The following ABRAXAS1 variants were observed in gnomAD, a reference collection of about 807,000 sequenced individuals.
ABRAXAS1 encodes abraxas 1, BRCA1 A complex subunit.
ABRAXAS1 carries 26 observed loss-of-function variants against 38.4 expected under a neutral mutation model. The ratio of observed to expected loss-of-function variants is 0.68; its 90% CI spans 0.50 to 0.94. The LOEUF is 0.94. ABRAXAS1 is among the 40% of genes least tolerant of loss of function. ABRAXAS1 has a pLI of 0.00. For missense variants in ABRAXAS1, 438 were observed against 481.9 expected, an observed-to-expected ratio of 0.91 and a Z score of 0.85; for synonymous variants, 144 against 165.5, an observed-to-expected ratio of 0.87 and a Z score of 1.00.
rs755509570 is a variant in ABRAXAS1, at chr4:83,459,756, T to C, written c.*2713A>G. 1.2e-6 allele frequency: 2 copies of C among 1,610,972 alleles called. No homozygotes were observed. Among genetic ancestry groups the C allele is most frequent in the Admixed American group, 1.7e-5 (1 of 59,612 alleles). On this transcript the variant is annotated 3_prime_UTR_variant, in exon 9 of 9. Coordinates refer to ENST00000321945, the MANE Select transcript of ABRAXAS1 (RefSeq NM_139076.3). ...CCAAAACAGCTTTTGTCCCAGTTTG[T>C]TTCTCCATTTACTGGATGCATTTAT...
chr4:83,468,841 TA>T (rs1722477657), intron 6 of ABRAXAS1, among the ~76,000 whole-genome samples, 190 bp downstream of exon 6: 1 of 151,978 alleles, frequency 6.6e-6, no homozygotes, highest in Non-Finnish European at 1.5e-5. Context: ...ATGCCTGGAC[TA>T]ACCACTACCT....
chr4:83,482,101 A>G, intron 2 of ABRAXAS1, 53 bp downstream of exon 2: 1 of 1,166,388 alleles, frequency 8.6e-7, no homozygotes, highest in Non-Finnish European at 1.2e-6. Context: ...AGCATAAACT[A>G]TCAAATATAG....
chr4:83,477,984 G>C, intron 2 of ABRAXAS1: 1 of 956,364 alleles, frequency 1.0e-6, no homozygotes, highest in Non-Finnish European at 1.7e-6. Context: ...TTCCAAGGGA[G>C]CATGATTGGC....
chr4:83,462,888 G>T lies in ABRAXAS1; in HGVS notation c.811C>A (p.Gln271Lys). The T allele has an allele frequency of 6.3e-7, 1 of 1,577,046 alleles. No homozygotes were observed. The highest frequency in any genetic ancestry group is 1.2e-5 in the South Asian group (1 of 83,324). ...AAAATGTTCTCCTGAGGGTCTTTTTGGATGTTCTTCTCTCCTAAACAAAAT... is the reference window on the plus strand; with the variant it reads ...AAAATGTTCTCCTGAGGGTCTTTTTTGATGTTCTTCTCTCCTAAACAAAAT... ...QIQAAREKNI[Q>K]KDPQENIFLC... Residue 271 changes from glutamine to lysine, a missense_variant, in exon 9 of 9, where the codon CAA (glutamine) becomes AAA (lysine). By Grantham distance (53) the Gln-to-Lys change is moderately conservative. Transcript: ENST00000321945.
At chr4:83,470,065 G>GT (rs1722522496) in intron 5 of ABRAXAS1, 138 bp downstream of exon 5, 1 of 571,686 alleles carries the variant, frequency 1.7e-6, no homozygotes, top group Non-Finnish European at 2.9e-6. Flanking sequence ...TTAACAGATG[G>GT]TAAGATCTAC....
In ABRAXAS1 at chr4:83,468,970, G is replaced by A. The variant is rs1457209043; in HGVS notation, c.596+62C>T. 8.3e-6 allele frequency: 13 copies of A among 1,572,516 alleles called. No homozygotes were observed. In the East Asian group the frequency reaches 1.1e-4, roughly 14 times the overall value. On this transcript the variant is annotated intron_variant, in intron 6 of 8. Transcript: ENST00000321945. ...GAATTTTTATTCTGCTGTTGTTTGA[G>A]AAATAAGAAAATTAATTTCAAAGAT...
intron 2 of ABRAXAS1, chr4:83,477,959 G>T: frequency 1.1e-6 from 1 of 897,056 alleles, no homozygotes; most frequent in Non-Finnish European, 1.8e-6. Flanking sequence ...TCGAATGCAG[G>T]CTCAAGGAAG....
chr4:83,476,622 C>G, intron 3 of ABRAXAS1, 21 bp downstream of exon 3: 1 of 1,502,292 alleles, frequency 6.7e-7, no homozygotes, highest in Non-Finnish European at 9.2e-7. Context: ...GGATCATTTA[C>G]TTACTAGCAC....
At chr4:83,474,709 T>C (rs1388493618) in intron 3 of ABRAXAS1, among the ~76,000 whole-genome samples, 2 of 136,682 alleles carry the variant, frequency 1.5e-5, no homozygotes, top group African/African-American at 2.9e-5. Context: ...CAAGACTCTG[T>C]CTCAAAAAAA....
chr4:83,465,299 C>CAAAAAAAAA lies in ABRAXAS1; in HGVS notation c.682-1700_682-1692dup, dbSNP rs35072866. On this transcript the variant is annotated intron_variant, in intron 7 of 8. Coordinates refer to ENST00000321945, the MANE Select transcript of ABRAXAS1 (RefSeq NM_139076.3). ...CAGGCGACACACTGAGACTCTGTCT[C>CAAAAAAAAA]AAAAAAAAAAAAAAAAAAAAGAAGA... Among the ~76,000 whole-genome samples the CAAAAAAAAA allele has an allele frequency of 8.0e-3, 707 of 88,112 alleles. 34 individuals are homozygous for CAAAAAAAAA. The East Asian group carries it at 0.11, about 14-fold the overall frequency. The allele number at this position is 88,112 out of a possible 152,430, so 57.8% of individuals were successfully genotyped here.
In ABRAXAS1 at chr4:83,462,441, A is replaced by C; in HGVS notation, c.*28T>G. Reference sequence around the variant, plus strand: ...TTTGGCTTTACCCATCAGCCAAATAAAAAAATCTCCTTGTAAGGTTAAAAG... The same window carrying C: ...TTTGGCTTTACCCATCAGCCAAATACAAAAATCTCCTTGTAAGGTTAAAAG... On this transcript the variant is annotated 3_prime_UTR_variant, in exon 9 of 9. Coordinates refer to ENST00000321945, the MANE Select transcript of ABRAXAS1 (RefSeq NM_139076.3). The C allele has an allele frequency of 1.9e-6, 3 of 1,564,316 alleles. No individual in the cohort carries two copies. In the South Asian group the frequency reaches 3.6e-5, roughly 19 times the overall value.
chr4:83,477,115 T>C (rs1722805305), intron 2 of ABRAXAS1, among the ~76,000 whole-genome samples: 1 of 152,232 alleles, frequency 6.6e-6, no homozygotes, highest in Non-Finnish European at 1.5e-5. Context: ...AATGGAATAA[T>C]ATGTTGATCT....
intron 6 of ABRAXAS1, among the ~76,000 whole-genome samples, chr4:83,468,206 G>A (rs1478063070): frequency 6.6e-6 from 1 of 151,710 alleles, no homozygotes; most frequent in Non-Finnish European, 1.5e-5. Flanking sequence ...TCAGGAGGCT[G>A]AAGCAGGAGA....
intron 2 of ABRAXAS1, chr4:83,478,695 G>A (rs1294166861): frequency 5.7e-6 from 1 of 176,518 alleles, no homozygotes; most frequent in Non-Finnish European, 1.2e-5. Context: ...GGATGACACT[G>A]AAAATGGCCT....
chr4:83,463,777 T>C (rs573543054), intron 7 of ABRAXAS1, 169 bp from the exon 8 acceptor site: 2 of 414,478 alleles, frequency 4.8e-6, no homozygotes, highest in Non-Finnish European at 8.5e-6. Flanking sequence ...CAAGCACTTG[T>C]AGGTTATAAA....
intron 3 of ABRAXAS1, among the ~76,000 whole-genome samples, chr4:83,474,835 G>A (rs1464721354): frequency 6.6e-6 from 1 of 152,098 alleles, no homozygotes; most frequent in Non-Finnish European, 1.5e-5. Flanking sequence ...TGCATAGTAT[G>A]ATGCTGGATT....
chr4:83,466,686 C>T (rs997351184), intron 7 of ABRAXAS1, among the ~76,000 whole-genome samples: 3 of 152,266 alleles, frequency 2.0e-5, no homozygotes, highest in African/African-American at 7.2e-5. Flanking sequence ...CAGGCGCCCA[C>T]CACCATGCCC....
chr4:83,470,072 C>T (rs1722522660), intron 5 of ABRAXAS1, 131 bp downstream of exon 5: 2 of 609,362 alleles, frequency 3.3e-6, no homozygotes, highest in South Asian at 6.7e-5. Flanking sequence ...ATGGTAAGAT[C>T]TACTTCTGAA....
Position 83,467,555 on chromosome 4 carries a change from T to C in ABRAXAS1, c.597-17A>G. ...AATTTAGAGCTGTAAAAAATTACCA[T>C]TTCCTCAGGCAAATACACAAAACCA... On this transcript the variant is annotated splice_polypyrimidine_tract_variant and intron_variant, in intron 6 of 8. Coordinates refer to ENST00000321945, the MANE Select transcript of ABRAXAS1 (RefSeq NM_139076.3). 3 of 1,304,792 alleles carry C rather than the reference T, an allele frequency of 2.3e-6. No individual in the cohort carries two copies. Among genetic ancestry groups the C allele is most frequent in the Non-Finnish European group, 2.2e-6 (2 of 905,922 alleles). 80.8% of individuals were successfully genotyped at this position (1,304,792 alleles called of 1,614,324 possible).
Sources: allele counts gnomAD v4.1 joint callset (sites outside exome capture counted in the v4.1 genomes callset), GRCh38; gene constraint gnomAD v4.1.1; transcripts MANE v1.5; gene names NCBI Gene and HGNC (gene_info 2026-07-23, HGNC 2026-07-21).